CA10: variants seen among roughly 807,000 people sequenced by gnomAD.
CA10 encodes carbonic anhydrase-related protein 10.
In CA10, 14 loss-of-function variants were observed where a neutral mutation model predicts 44.2. That is an observed-to-expected ratio of 0.32 (90% CI 0.21 to 0.50). The LOEUF (loss-of-function observed/expected upper bound fraction) is 0.50, where lower values mean the gene tolerates loss of function less well. Among genes scored for constraint, CA10 ranks in the 20% least tolerant of loss-of-function variants. The pLI is 0.99. For synonymous variants in CA10, 159 were observed against 141.6 expected (o/e 1.12, Z -0.87); for missense variants, 350 against 409.7 (o/e 0.85, Z 1.26).
At chr17:51,858,696 C>T (rs1454733633) in intron 3 of CA10, among the ~76,000 whole-genome samples, 2 of 152,150 alleles carry the variant, frequency 1.3e-5, no homozygotes, top group Non-Finnish European at 2.9e-5. Flanking sequence ...GTGTCTTGGT[C>T]CTTGCCTCTG....
intron 6 of CA10, among the ~76,000 whole-genome samples, chr17:51,636,775 T>TTGTGTGTG (rs57428535): frequency 0.038 from 5,607 of 146,526 alleles, 124 homozygotes; most frequent in South Asian, 0.057. Context: ...ACTGATTATT[T>TTGTGTGTG]TGTGTGTGTG....
chr17:51,839,424 C>T (rs1029759950), intron 3 of CA10, among the ~76,000 whole-genome samples: 10 of 127,018 alleles, frequency 7.9e-5, no homozygotes, highest in East Asian at 2.7e-4. Flanking sequence ...ACCTGGGAGG[C>T]GGAGCTTGCA....
chr17:51,959,667 G>T (rs1054621374), intron 2 of CA10, among the ~76,000 whole-genome samples: 1 of 151,980 alleles, frequency 6.6e-6, no homozygotes, highest in African/African-American at 2.4e-5. Flanking sequence ...TGGTATGTGT[G>T]TGTGGAGCAG....
chr17:51,929,079 A>C lies in CA10; in HGVS notation c.279+1911T>G, dbSNP rs192106411. On this transcript the variant is annotated intron_variant, in intron 3 of 8. Coordinates refer to ENST00000451037, the MANE Select transcript of CA10 (RefSeq NM_020178.5). ...GGTTTGGATCAGGTATACTTTCCTG[A>C]ATTGGAAAGATACAAAATCATCTGT... is the stretch of plus-strand genomic sequence containing the variant. 3.3e-3 allele frequency among the ~76,000 whole-genome samples: 500 copies of C among 152,260 alleles called. 1 individual carries two copies. The highest frequency in any genetic ancestry group is 0.012 in the African/African-American group (479 of 41,560).
chr17:51,903,457 G>A (rs1823295786), intron 3 of CA10, among the ~76,000 whole-genome samples: 1 of 152,102 alleles, frequency 6.6e-6, no homozygotes, highest in African/African-American at 2.4e-5. Flanking sequence ...TATATGGAGT[G>A]TAATGTTGGA....
intron 2 of CA10, among the ~76,000 whole-genome samples, chr17:52,051,049 G>C (rs1349864097): frequency 6.6e-6 from 1 of 150,916 alleles, no homozygotes; most frequent in Non-Finnish European, 1.5e-5. Flanking sequence ...AAAGGAAGGA[G>C]GGAGGGAGGG....
At chr17:51,782,569 T>C (rs750433262) in intron 3 of CA10, among the ~76,000 whole-genome samples, 44 of 152,292 alleles carry the variant, frequency 2.9e-4, no homozygotes, top group Middle Eastern at 3.4e-3. Context: ...ATCTCTTCAT[T>C]CTCCATGGAG....
intron 1 of CA10, among the ~76,000 whole-genome samples, chr17:52,092,119 T>G (rs1988282978): frequency 6.6e-6 from 1 of 152,166 alleles, no homozygotes. Flanking sequence ...GACTCTCTCC[T>G]TTGTCTGTTT....
At chr17:51,782,362 C>T (rs1278329437) in intron 3 of CA10, among the ~76,000 whole-genome samples, 1 of 152,216 alleles carries the variant, frequency 6.6e-6, no homozygotes, top group Non-Finnish European at 1.5e-5. Flanking sequence ...GCTGTAATCA[C>T]AGATGACAAA....
At chr17:51,908,957 G>GTT (rs1981678754) in intron 3 of CA10, among the ~76,000 whole-genome samples, 1 of 152,140 alleles carries the variant, frequency 6.6e-6, no homozygotes, top group South Asian at 2.1e-4. Context: ...CACTCTCACT[G>GTT]AATAAAATGT....
intron 2 of CA10, among the ~76,000 whole-genome samples, chr17:52,040,498 G>A (rs1986739948): frequency 6.6e-6 from 1 of 152,052 alleles, no homozygotes; most frequent in South Asian, 2.1e-4. Context: ...TGACAGGGAT[G>A]AGATTACCCT....
At chr17:51,663,795 T>C (rs4794293) in intron 4 of CA10, among the ~76,000 whole-genome samples, 20,072 of 152,208 alleles carry the variant, frequency 0.13, 1,715 homozygotes, top group Non-Finnish European at 0.18. Context: ...TTAAGTTCCA[T>C]AGATAACAAC....
intron 2 of CA10, among the ~76,000 whole-genome samples, chr17:52,019,516 G>A (rs976494142): frequency 1.9e-4 from 29 of 151,976 alleles, no homozygotes; most frequent in Admixed American, 1.6e-3. Context: ...GAAGGTATTT[G>A]GAGATTTTCT....
intron 2 of CA10, among the ~76,000 whole-genome samples, chr17:52,036,214 A>G (rs556409496): frequency 6.6e-6 from 1 of 152,318 alleles, no homozygotes; most frequent in South Asian, 2.1e-4. Flanking sequence ...GGATCAATGA[A>G]TAGAATTGAT....
At chr17:51,908,325 C>T (rs1487521222) in intron 3 of CA10, among the ~76,000 whole-genome samples, 1 of 152,142 alleles carries the variant, frequency 6.6e-6, no homozygotes, top group African/African-American at 2.4e-5. Context: ...ATCAGGAGAG[C>T]CCAGAGTCAG....
chr17:52,020,305 T>A (rs1031374485), intron 2 of CA10, among the ~76,000 whole-genome samples: 2 of 152,038 alleles, frequency 1.3e-5, no homozygotes, highest in African/African-American at 2.4e-5. Context: ...ATATTTTATA[T>A]CATTGTTTTG....
At position 51,677,277 on chromosome 17, in the gene CA10, G is replaced by A. The variant is rs149995318; in HGVS notation, c.466-23541C>T. 9.2e-5 allele frequency among the ~76,000 whole-genome samples: 14 copies of A among 152,220 alleles called. No individual in the cohort carries two copies. The East Asian group carries it at 1.4e-3, about 15-fold the overall frequency. ...TGGGAGGTTACTGGATCATGTGGGC[G>A]GAGTTCTCATGAATGGTTTAGCACC... On this transcript the variant is annotated intron_variant, in intron 4 of 8. Coordinates refer to ENST00000451037, the MANE Select transcript of CA10 (RefSeq NM_020178.5).
chr17:51,952,727 G>T (rs550192122), intron 2 of CA10, among the ~76,000 whole-genome samples: 1 of 152,156 alleles, frequency 6.6e-6, no homozygotes, highest in African/African-American at 2.4e-5. Flanking sequence ...CTTATCCAGG[G>T]TTACCTGTCA....
At chr17:51,867,221 G>C (rs1363362328) in intron 3 of CA10, among the ~76,000 whole-genome samples, 1 of 152,198 alleles carries the variant, frequency 6.6e-6, no homozygotes. Flanking sequence ...ATTGCAGTAA[G>C]TAAGATGCTT....
Sources: allele counts gnomAD v4.1 joint callset (sites outside exome capture counted in the v4.1 genomes callset), GRCh38; gene constraint gnomAD v4.1.1; transcripts MANE v1.5; gene names NCBI Gene and HGNC (gene_info 2026-07-23, HGNC 2026-07-21).